The following HDC variants were observed in gnomAD, a reference collection of about 807,000 sequenced individuals.
HDC encodes histidine decarboxylase.
Under a neutral mutation model 64.4 loss-of-function variants are expected in HDC, and 27 were observed. That is an observed-to-expected ratio of 0.42 (90% CI 0.31 to 0.58). HDC has a LOEUF of 0.58. Ranked by LOEUF, HDC falls within the 20% of genes least tolerant of loss-of-function variation. The pLI is 0.16. For synonymous variants in HDC, 305 were observed against 314.2 expected (o/e 0.97, Z 0.31); for missense variants, 711 against 833.9 (o/e 0.85, Z 1.81).
intron 2 of HDC, among the ~76,000 whole-genome samples, chr15:50,261,845 G>A (rs2045707819): frequency 6.6e-6 from 1 of 151,902 alleles, no homozygotes; most frequent in South Asian, 2.1e-4. Context: ...AAGTAGCTGG[G>A]ATTACAGGCA....
intron 9 of HDC, among the ~76,000 whole-genome samples, chr15:50,249,870 C>T (rs568239411): frequency 4.6e-5 from 7 of 152,324 alleles, no homozygotes; most frequent in African/African-American, 1.4e-4. Flanking sequence ...TGCTCCTTTT[C>T]TTGTCACTAT....
intron 9 of HDC, among the ~76,000 whole-genome samples, chr15:50,250,559 C>T (rs1287750368): frequency 6.6e-6 from 1 of 152,118 alleles, no homozygotes; most frequent in Admixed American, 6.5e-5. Flanking sequence ...TCCTGAGGCA[C>T]TGTGGTAAAT....
At chr15:50,246,355 A>T (rs1255170052) in intron 10 of HDC, among the ~76,000 whole-genome samples, 1 of 152,240 alleles carries the variant, frequency 6.6e-6, no homozygotes, top group African/African-American at 2.4e-5. Flanking sequence ...GGGACATTGG[A>T]AGAACTTTGA....
rs372506609 is a variant in HDC at position 50,258,413 on chromosome 15, T to C, written c.309A>G (p.Gly103=). Residue 103 remains glycine, a synonymous_variant, in exon 3 of 12, where the codon GGA becomes GGG. Coordinates refer to ENST00000267845, the MANE Select transcript of HDC (RefSeq NM_002112.4). ...DMLADAINCL[G]FTWASSPACT... is the part of the protein sequence containing the mutation. Reference sequence around the variant, plus strand: ...AGCCGTTGCTACTCACCCAGGTGAATCCCAAGCAGTTGATGGCATCAGCCA... The same window carrying C: ...AGCCGTTGCTACTCACCCAGGTGAACCCCAAGCAGTTGATGGCATCAGCCA... 1.2e-6 allele frequency: 2 copies of C among 1,605,982 alleles called. No homozygotes were observed. The highest frequency in any genetic ancestry group is 2.7e-5 in the African/African-American group (2 of 74,718).
At chr15:50,252,132 G>A (rs1450608086) in intron 9 of HDC, among the ~76,000 whole-genome samples, 1 of 152,230 alleles carries the variant, frequency 6.6e-6, no homozygotes, top group African/African-American at 2.4e-5. Context: ...GAAGGAACTG[G>A]TCCACCTGTG....
chr15:50,262,143 T>C (rs866383206), intron 2 of HDC, among the ~76,000 whole-genome samples: 1 of 151,882 alleles, frequency 6.6e-6, no homozygotes, highest in Middle Eastern at 3.4e-3. Context: ...ACACAGCTTG[T>C]GTGGGGGTGT....
intron 10 of HDC, among the ~76,000 whole-genome samples, chr15:50,247,643 A>G (rs887649461): frequency 2.0e-5 from 3 of 152,208 alleles, no homozygotes; most frequent in African/African-American, 4.8e-5. Context: ...TTCTTCCATG[A>G]AGAACATGGG....
At chr15:50,258,538 G>C (rs533552343) in intron 2 of HDC, 21 bp from the exon 3 acceptor site, 1 of 1,461,926 alleles carries the variant, frequency 6.8e-7, no homozygotes, top group East Asian at 2.3e-5. Context: ...AGCATGCACA[G>C]AGTTGGCACC....
intron 4 of HDC, among the ~76,000 whole-genome samples, chr15:50,256,869 T>G (rs2045639417): frequency 1.3e-5 from 2 of 152,190 alleles, no homozygotes; most frequent in Admixed American, 1.3e-4. Flanking sequence ...GATTTATAGA[T>G]GCAAAAGCAC....
rs1261127304 is a variant in HDC at position 50,243,026 on chromosome 15, A to G, written c.1243-20T>C. On this transcript the variant is annotated intron_variant, in intron 11 of 11. Coordinates refer to ENST00000267845, the MANE Select transcript of HDC (RefSeq NM_002112.4). ...AGGACCCTGTTTGAAAAATAAAGGA[A>G]GTGAAGTCTCCATCGCACCCCCTGT... 1.2e-6 allele frequency: 2 copies of G among 1,614,018 alleles called. No individual in the cohort carries two copies. Among genetic ancestry groups the G allele is most frequent in the Admixed American group, 1.7e-5 (1 of 60,000 alleles).
rs557594582 is a variant in HDC, at chr15:50,265,606, C to G, written c.18G>C (p.Glu6Asp). MMEPEEYRERGREMVD... is the reference protein window; with the variant it reads MMEPEDYRERGREMVD... ...CCCGTTGCTCACCTCTCTCTCTGTA[C>G]TCCTCAGGCTCCATCATCTCCCTTG... Residue 6 changes from glutamate (E) to aspartate (D), a missense_variant, in exon 1 of 12, where the codon GAG becomes GAC. By Grantham distance (45) the Glu-to-Asp change is conservative. This residue lies in a region of HDC where 225 missense variants were observed against 276.2 expected (regional missense o/e 0.81). Coordinates refer to ENST00000267845, the MANE Select transcript of HDC (RefSeq NM_002112.4). The G allele has an allele frequency of 1.2e-6, 2 of 1,613,776 alleles. No homozygotes were observed. The highest frequency in any genetic ancestry group is 2.7e-5 in the African/African-American group (2 of 74,920).
chr15:50,263,762 T>C (rs2045735388), intron 1 of HDC, among the ~76,000 whole-genome samples: 1 of 152,120 alleles, frequency 6.6e-6, no homozygotes, highest in African/African-American at 2.4e-5. Flanking sequence ...ATCGTGCCAC[T>C]GCACTCCAGC....
intron 10 of HDC, among the ~76,000 whole-genome samples, chr15:50,243,600 C>A (rs1452418508): frequency 6.6e-6 from 1 of 152,226 alleles, no homozygotes; most frequent in Non-Finnish European, 1.5e-5. Context: ...GGGCCAAAAC[C>A]CAGTCCATGC....
At chr15:50,253,525 GTT>G (rs1567451338) in intron 7 of HDC, 73 bp downstream of exon 7, 5 of 1,302,264 alleles carry the variant, frequency 3.8e-6, no homozygotes, top group Non-Finnish European at 5.6e-6. Context: ...CATAGAGCTG[GTT>G]TCAGGTCCTT....
intron 6 of HDC, chr15:50,253,897 G>A (rs111710468): frequency 2.5e-5 from 16 of 642,544 alleles, no homozygotes; most frequent in African/African-American, 1.8e-4. Flanking sequence ...ACATACTCTG[G>A]CTATATGTGT....
rs142761358 is a variant in HDC at position 50,253,659 on chromosome 15, G to T, written c.728C>A (p.Ala243Glu). Residue 243 changes from alanine (A) to glutamate (E), a missense_variant, in exon 7 of 12, where the codon GCA becomes GAA. Around this residue, in one of 3 missense-constraint regions of HDC, gnomAD observed 483 missense variants for 540.9 expected, o/e 0.89. Coordinates refer to ENST00000267845, the MANE Select transcript of HDC (RefSeq NM_002112.4). ...QRGLVPVFVC[A>E]TLGTTGVCAF... ...ACAGACCCCAGTGGTCCCTAGTGTT[G>T]CACAGACCTAGGGGAAAATTAAGGC... 1 of 1,613,220 alleles carries T rather than the reference G, an allele frequency of 6.2e-7. No homozygotes were observed. Among genetic ancestry groups the T allele is most frequent in the Non-Finnish European group, 8.5e-7 (1 of 1,179,864 alleles).
intron 9 of HDC, among the ~76,000 whole-genome samples, chr15:50,251,637 C>A (rs1210370847): frequency 6.6e-6 from 1 of 152,146 alleles, no homozygotes; most frequent in Admixed American, 6.5e-5. Context: ...ACTCGTTTCC[C>A]TCAGGCAAAA....
intron 9 of HDC, 52 bp downstream of exon 9, chr15:50,252,378 A>C: frequency 1.4e-6 from 2 of 1,449,572 alleles, no homozygotes; most frequent in Non-Finnish European, 1.9e-6. Context: ...AGACGCCTAC[A>C]GTTCCCACTG....
chr15:50,245,690 C>T (rs1364335022), intron 10 of HDC, among the ~76,000 whole-genome samples: 5 of 151,964 alleles, frequency 3.3e-5, no homozygotes, highest in South Asian at 2.1e-4. Flanking sequence ...AGCCCAGGAG[C>T]GTGAGAACAA....
Sources: gnomAD v4.1 joint callset for allele counts (sites outside exome capture counted in the v4.1 genomes callset) on GRCh38, gnomAD v4.1.1 for gene constraint, gnomAD v4.1.1 regional missense constraint, MANE v1.5 for transcripts, NCBI Gene and HGNC (gene_info 2026-07-23, HGNC 2026-07-21) for gene names.